SEPTIN10: variants seen among roughly 807,000 people sequenced by gnomAD.
SEPTIN10 encodes septin 10.
A neutral mutation model predicts 54.8 loss-of-function variants in SEPTIN10; 66 were observed. The ratio of observed to expected loss-of-function variants is 1.21; its 90% CI spans 0.99 to 1.48. SEPTIN10 has a LOEUF of 1.48. Among genes scored for constraint, SEPTIN10 ranks in the 40% most tolerant of loss-of-function variants. The probability of loss-of-function intolerance (pLI) is 0.00; values close to 1 mark genes in which losing one functional copy is unlikely to be tolerated. For synonymous variants in SEPTIN10, 161 were observed against 181.0 expected, an observed-to-expected ratio of 0.89 and a Z score of 0.89; for missense variants, 620 against 545.6, an observed-to-expected ratio of 1.14 and a Z score of -1.36.
intron 1 of SEPTIN10, among the ~76,000 whole-genome samples, chr2:109,599,116 A>C (rs957280198): frequency 1.3e-5 from 2 of 152,116 alleles, no homozygotes; most frequent in African/African-American, 4.8e-5. Context: ...AAGCTAATGC[A>C]GACCACACTG....
chr2:109,593,526 CT>C (rs1232406776), intron 1 of SEPTIN10, among the ~76,000 whole-genome samples: 1 of 151,688 alleles, frequency 6.6e-6, no homozygotes, highest in Non-Finnish European at 1.5e-5. Flanking sequence ...CTGCCTCAGC[CT>C]CCTGAGTAGC....
At chr2:109,567,630 T>C (rs985591740) in intron 6 of SEPTIN10, among the ~76,000 whole-genome samples, 185 bp downstream of exon 6, 1 of 152,216 alleles carries the variant, frequency 6.6e-6, no homozygotes, top group African/African-American at 2.4e-5. Flanking sequence ...TAAAAATAAA[T>C]TCTCCTTACA....
chr2:109,546,275 G>C, intron 9 of SEPTIN10, 38 bp from the exon 10 acceptor site: 1 of 1,415,862 alleles, frequency 7.1e-7, no homozygotes, highest in Middle Eastern at 1.9e-4. Flanking sequence ...CTGACACAGC[G>C]CGGCAGCAGA....
At chr2:109,589,377 AC>A (rs1573721019) in intron 2 of SEPTIN10, among the ~76,000 whole-genome samples, 1 of 152,094 alleles carries the variant, frequency 6.6e-6, no homozygotes, top group East Asian at 1.9e-4. Flanking sequence ...TACCAGAAAT[AC>A]AAAAATAGCT....
intron 8 of SEPTIN10, among the ~76,000 whole-genome samples, chr2:109,553,978 T>C (rs903643033): frequency 1.3e-5 from 2 of 152,320 alleles, no homozygotes; most frequent in South Asian, 2.1e-4. Context: ...ATTTTTACCA[T>C]AGGGTAATTG....
At chr2:109,568,817 G>GCC (rs1687679018) in intron 5 of SEPTIN10, among the ~76,000 whole-genome samples, 1 of 152,114 alleles carries the variant, frequency 6.6e-6, no homozygotes, top group Admixed American at 6.6e-5. Flanking sequence ...GTGCCCCACT[G>GCC]TCACAGACTT....
chr2:109,565,717 A>T, intron 7 of SEPTIN10, 46 bp downstream of exon 7: 2 of 1,478,650 alleles, frequency 1.4e-6, no homozygotes, highest in Non-Finnish European at 1.9e-6. Flanking sequence ...TAGCTTTGAG[A>T]TTACTAGATA....
chr2:109,565,116 AAT>A (rs1686666843), intron 7 of SEPTIN10, among the ~76,000 whole-genome samples: 1 of 152,190 alleles, frequency 6.6e-6, no homozygotes, highest in African/African-American at 2.4e-5. Flanking sequence ...TATTGTGACC[AAT>A]ACTCTTAAGT....
intron 4 of SEPTIN10, among the ~76,000 whole-genome samples, chr2:109,584,305 G>A (rs201699452): frequency 6.9e-5 from 9 of 130,448 alleles, no homozygotes; most frequent in Non-Finnish European, 1.0e-4. Context: ...GGTGAAACCC[G>A]TCTCTACTAA....
At position 109,574,204 on chromosome 2, in the gene SEPTIN10, C is replaced by G. The variant is rs556752518; in HGVS notation, c.600+377G>C. Among the ~76,000 whole-genome samples, 4 of 150,858 alleles carry G rather than the reference C, an allele frequency of 2.7e-5. No individual in the cohort carries two copies. The South Asian group carries it at 6.3e-4, about 24-fold the overall frequency. ...CTGTAGTTCTAGCACTTCAAGAGACCAAGGAAGGAAAATCACTTAAGTCCA... is the reference window on the plus strand; with the variant it reads ...CTGTAGTTCTAGCACTTCAAGAGACGAAGGAAGGAAAATCACTTAAGTCCA... On this transcript the variant is annotated intron_variant, in intron 5 of 10. Coordinates refer to ENST00000397712, the MANE Select transcript of SEPTIN10 (RefSeq NM_144710.5).
chr2:109,610,233 C>T (rs745999336), intron 1 of SEPTIN10, among the ~76,000 whole-genome samples: 1 of 151,972 alleles, frequency 6.6e-6, no homozygotes, highest in South Asian at 2.1e-4. Context: ...GGACTACAGG[C>T]GCATGCCACC....
At chr2:109,613,247 G>A in intron 1 of SEPTIN10, 1 of 1,149,612 alleles carries the variant, frequency 8.7e-7, no homozygotes. Context: ...GTTCAAAACA[G>A]TGAACAAACG....
intron 1 of SEPTIN10, among the ~76,000 whole-genome samples, chr2:109,599,473 A>AG (rs1161048475): frequency 6.6e-6 from 1 of 151,856 alleles, no homozygotes; most frequent in Non-Finnish European, 1.5e-5. Context: ...AAAAAAAAAA[A>AG]AAAAGAACTC....
intron 5 of SEPTIN10, among the ~76,000 whole-genome samples, chr2:109,568,931 A>T (rs892186801): frequency 2.0e-5 from 3 of 152,234 alleles, no homozygotes; most frequent in African/African-American, 7.2e-5. Flanking sequence ...TATCACTGAC[A>T]GAGGGCAAGA....
At chr2:109,585,514 T>C (rs1050637802) in intron 3 of SEPTIN10, among the ~76,000 whole-genome samples, 193 bp from the exon 4 acceptor site, 1 of 152,158 alleles carries the variant, frequency 6.6e-6, no homozygotes, top group Non-Finnish European at 1.5e-5. Context: ...TACTCAGGAC[T>C]CTGACAACAA....
intron 1 of SEPTIN10, among the ~76,000 whole-genome samples, chr2:109,604,466 C>A (rs543044203): frequency 2.7e-5 from 4 of 148,292 alleles, no homozygotes; most frequent in Non-Finnish European, 5.9e-5. Context: ...GTGGCTGAGG[C>A]CTGTAATCCT....
chr2:109,564,285 GC>G, intron 8 of SEPTIN10, 80 bp downstream of exon 8: 2 of 1,237,730 alleles, frequency 1.6e-6, no homozygotes, highest in South Asian at 5.4e-5. Context: ...AAGAACACAT[GC>G]CCCATCATCC....
chr2:109,546,355 A>C (rs1244297644), intron 9 of SEPTIN10, 118 bp from the exon 10 acceptor site: 2 of 542,828 alleles, frequency 3.7e-6, no homozygotes, highest in Non-Finnish European at 6.1e-6. Flanking sequence ...TACACAGTCA[A>C]AATCTTTCTG....
chr2:109,574,442 CTAAAAA>C, intron 5 of SEPTIN10, 133 bp downstream of exon 5: 2 of 269,200 alleles, frequency 7.4e-6, no homozygotes, highest in Non-Finnish European at 1.0e-5. Flanking sequence ...GACTTTATCT[CTAAAAA>C]AAAAAAAAAA....
Sources: gnomAD v4.1 joint callset for allele counts (sites outside exome capture counted in the v4.1 genomes callset) on GRCh38, gnomAD v4.1.1 for gene constraint, MANE v1.5 for transcripts, NCBI Gene and HGNC (gene_info 2026-07-23, HGNC 2026-07-21) for gene names.